The following FANCC variants were observed in gnomAD, a reference collection of about 807,000 sequenced individuals.
The protein encoded by FANCC is FA complementation group C, also known as Fanconi anemia group C protein.
A neutral mutation model predicts 71.3 loss-of-function variants in FANCC; 55 were observed. The ratio of observed to expected loss-of-function variants is 0.77; its 90% CI spans 0.62 to 0.97. FANCC has a LOEUF of 0.97. Among genes scored for constraint, FANCC ranks in the 50% least tolerant of loss-of-function variants. FANCC has a pLI of 0.00. For missense variants in FANCC, 678 were observed against 670.9 expected (o/e 1.01, Z -0.12); for synonymous variants, 275 against 244.9 (o/e 1.12, Z -1.15).
At chr9:95,137,667 C>T (rs1233654594) in intron 7 of FANCC, among the ~76,000 whole-genome samples, 3 of 152,140 alleles carry the variant, frequency 2.0e-5, no homozygotes, top group Non-Finnish European at 4.4e-5. Context: ...TCAATAGGTC[C>T]TTGAATATCC....
chr9:95,265,956 G>A (rs1161281182), intron 1 of FANCC, among the ~76,000 whole-genome samples: 1 of 152,210 alleles, frequency 6.6e-6, no homozygotes, highest in African/African-American at 2.4e-5. Flanking sequence ...CAGGCAGCAT[G>A]AGGAAGGGGC....
At chr9:95,130,290 G>GT in intron 8 of FANCC, among the ~76,000 whole-genome samples, 1 of 148,190 alleles carries the variant, frequency 6.7e-6, no homozygotes, top group South Asian at 2.1e-4. Flanking sequence ...TTCTGTGTGT[G>GT]TGTGTGTGTG....
At chr9:95,284,797 T>C (rs1205435525) in intron 1 of FANCC, among the ~76,000 whole-genome samples, 1 of 151,740 alleles carries the variant, frequency 6.6e-6, no homozygotes, top group East Asian at 1.9e-4. Flanking sequence ...ACAACAGCAG[T>C]TGTAACTGTT....
Position 95,126,047 on chromosome 9 carries a change from C to T in FANCC, c.896+482G>A, listed in dbSNP as rs372740439. ...ATTTCCCAAGAAGTACTCATATTTT[C>T]AAAATAAAAATGTAATGTGTTGTAA... On this transcript the variant is annotated intron_variant, in intron 9 of 14. Transcript: ENST00000289081. Among the ~76,000 whole-genome samples, 153 of 152,310 alleles carry T rather than the reference C, an allele frequency of 1.0e-3. 2 individuals are homozygous for T. The highest frequency in any genetic ancestry group is 3.6e-3 in the African/African-American group (150 of 41,572).
intron 1 of FANCC, among the ~76,000 whole-genome samples, chr9:95,298,391 A>G (rs1834523303): frequency 6.6e-6 from 1 of 152,202 alleles, no homozygotes; most frequent in African/African-American, 2.4e-5. Flanking sequence ...GACCTGGGGC[A>G]TCTAAATGAA....
intron 4 of FANCC, among the ~76,000 whole-genome samples, chr9:95,215,350 T>A (rs1472483015): frequency 6.7e-6 from 1 of 150,306 alleles, no homozygotes; most frequent in Non-Finnish European, 1.5e-5. Context: ...GGGAAGAAGG[T>A]GGTAGGAGAG....
intron 1 of FANCC, among the ~76,000 whole-genome samples, chr9:95,277,790 A>G (rs1833133163): frequency 6.6e-6 from 1 of 152,218 alleles, no homozygotes; most frequent in South Asian, 2.1e-4. Flanking sequence ...AAAAGTTGTC[A>G]ACCAAGAATC....
chr9:95,294,680 C>A (rs1322365500), intron 1 of FANCC: 6 of 1,594,158 alleles, frequency 3.8e-6, no homozygotes, highest in East Asian at 4.5e-5. Flanking sequence ...TTGTTCTTCA[C>A]CAACAACGAA....
intron 4 of FANCC, among the ~76,000 whole-genome samples, chr9:95,215,561 G>A (rs1296707759): frequency 1.3e-5 from 2 of 152,226 alleles, no homozygotes; most frequent in Non-Finnish European, 2.9e-5. Context: ...CCTTGAATCT[G>A]AGTGGGGTAG....
intron 7 of FANCC, among the ~76,000 whole-genome samples, chr9:95,140,800 C>T (rs563027708): frequency 6.6e-6 from 1 of 152,114 alleles, no homozygotes; most frequent in Non-Finnish European, 1.5e-5. Context: ...CTGATCTAAG[C>T]AATGCATCAT....
chr9:95,280,889 A>C (rs1833348015), intron 1 of FANCC, among the ~76,000 whole-genome samples: 1 of 152,246 alleles, frequency 6.6e-6, no homozygotes, highest in African/African-American at 2.4e-5. Flanking sequence ...GAAATCCAGG[A>C]GCTAAAAACT....
intron 4 of FANCC, among the ~76,000 whole-genome samples, chr9:95,191,246 C>G (rs1827080849): frequency 6.6e-6 from 1 of 151,908 alleles, no homozygotes; most frequent in South Asian, 2.1e-4. Flanking sequence ...AGTGCTCCCT[C>G]CTATGGCCCA....
In FANCC at chr9:95,291,947, C is replaced by CAAAA. The variant is rs775436297; in HGVS notation, c.-79+25575_-79+25578dup. On this transcript the variant is annotated intron_variant, in intron 1 of 14. Coordinates refer to ENST00000289081, the MANE Select transcript of FANCC (RefSeq NM_000136.3). ...TAGGTGAGAGAGTGAGACTCTGTCT[C>CAAAA]AAAAAAAAAAAAAAAAAAAAATATA... Among the ~76,000 whole-genome samples the CAAAA allele has an allele frequency of 8.4e-3, 342 of 40,822 alleles. 14 individuals carry two copies. The highest frequency in any genetic ancestry group is 9.1e-3 in the Non-Finnish European group (224 of 24,606). 26.8% of individuals were successfully genotyped at this position (40,822 alleles called of 152,430 possible).
intron 1 of FANCC, among the ~76,000 whole-genome samples, chr9:95,314,027 C>CA (rs1835584270): frequency 6.6e-6 from 1 of 152,158 alleles, no homozygotes; most frequent in South Asian, 2.1e-4. Flanking sequence ...AGAAATAAGT[C>CA]AATAATATAC....
At chr9:95,143,717 C>T (rs1177789367) in intron 7 of FANCC, among the ~76,000 whole-genome samples, 3 of 152,150 alleles carry the variant, frequency 2.0e-5, no homozygotes, top group South Asian at 2.1e-4. Context: ...GCAGTGGATT[C>T]GGATGACCTC....
intron 4 of FANCC, among the ~76,000 whole-genome samples, chr9:95,211,238 T>C (rs1375846976): frequency 6.6e-6 from 1 of 152,212 alleles, no homozygotes; most frequent in East Asian, 1.9e-4. Flanking sequence ...TGGAGAGCCA[T>C]CGTGAGCAGA....
At chr9:95,207,051 G>C (rs1828173182) in intron 4 of FANCC, among the ~76,000 whole-genome samples, 1 of 152,096 alleles carries the variant, frequency 6.6e-6, no homozygotes, top group African/African-American at 2.4e-5. Flanking sequence ...TAGGAGCCAA[G>C]ATAATATCAA....
Position 95,101,004 on chromosome 9 carries a change from G to A in FANCC, c.*703C>T. 1 of 233,444 alleles carries A rather than the reference G, an allele frequency of 4.3e-6. No individual in the cohort carries two copies. Among genetic ancestry groups the A allele is most frequent in the Non-Finnish European group, 8.5e-6 (1 of 118,208 alleles). 14.5% of individuals were successfully genotyped at this position (233,444 alleles called of 1,614,324 possible). On this transcript the variant is annotated 3_prime_UTR_variant, in exon 15 of 15. Transcript: ENST00000289081. ...AGAACTAACTAACTGAATTAATCCT[G>A]CCTTCTAATGTTTCTGGAACACATC...
rs184127638 is a variant in FANCC at position 95,149,505 on chromosome 9, G to C, written c.686+418C>G. On this transcript the variant is annotated intron_variant, in intron 7 of 14. Coordinates refer to ENST00000289081, the MANE Select transcript of FANCC (RefSeq NM_000136.3). The stretch of plus-strand genomic sequence containing the variant: ...TAATTTTTTTTTTTTTTGAGATGGA[G>C]TCTCGCTCTGTTGCCCAGGCTGGAG... 3.6e-3 allele frequency among the ~76,000 whole-genome samples: 547 copies of C among 150,408 alleles called. 2 individuals are homozygous for C. Among genetic ancestry groups the C allele is most frequent in the African/African-American group, 0.013 (526 of 40,860 alleles).
Sources: allele counts gnomAD v4.1 joint callset (sites outside exome capture counted in the v4.1 genomes callset), GRCh38; gene constraint gnomAD v4.1.1; transcripts MANE v1.5; gene names NCBI Gene and HGNC (gene_info 2026-07-23, HGNC 2026-07-21).